The following MTHFS variants were observed in gnomAD, a reference collection of about 807,000 sequenced individuals.
The protein encoded by MTHFS is 5-formyltetrahydrofolate cyclo-ligase.
Under a neutral mutation model 12.7 loss-of-function variants are expected in MTHFS, and 7 were observed. The observed-to-expected ratio is 0.55, with a 90% CI of 0.31 to 1.03. MTHFS has a LOEUF of 1.03. Among genes scored for constraint, MTHFS ranks in the 50% least tolerant of loss-of-function variants. The probability of loss-of-function intolerance (pLI) is 0.05; values close to 1 mark genes in which losing one functional copy is unlikely to be tolerated. For missense variants in MTHFS, 252 were observed against 258.1 expected, an observed-to-expected ratio of 0.98 and a Z score of 0.16; for synonymous variants, 100 against 97.1, an observed-to-expected ratio of 1.03 and a Z score of -0.18.
chr15:79,844,846 G>A lies in MTHFS; in HGVS notation c.*364C>T, dbSNP rs1350083562. 7.6e-6 allele frequency: 2 copies of A among 262,160 alleles called. No homozygotes were observed. Among genetic ancestry groups the A allele is most frequent in the South Asian group, 4.5e-5 (1 of 22,060 alleles). 16.2% of individuals were successfully genotyped at this position (262,160 alleles called of 1,614,324 possible). On this transcript the variant is annotated 3_prime_UTR_variant, in exon 3 of 3. Coordinates refer to ENST00000258874, the MANE Select transcript of MTHFS (RefSeq NM_006441.4). ...CAGGACAGACCAGGTCATGAAAGGC[G>A]TAATGAAATACAGTGCCCACTCCCG...
At chr15:79,878,342 G>A (rs879272398) in intron 2 of MTHFS, among the ~76,000 whole-genome samples, 6 of 151,646 alleles carry the variant, frequency 4.0e-5, no homozygotes, top group Admixed American at 1.3e-4. Context: ...AGCACTTGAC[G>A]CTTATACACA....
At chr15:79,897,141 G>A, upstream of MTHFS, 1 of 634,336 alleles carries the variant, frequency 1.6e-6, no homozygotes, top group Non-Finnish European at 2.4e-6. Context: ...ACGCGGGCCC[G>A]CGGCGCGCCG....
intron 2 of MTHFS, among the ~76,000 whole-genome samples, chr15:79,852,516 A>G (rs1435161632): frequency 6.6e-6 from 1 of 152,190 alleles, no homozygotes; most frequent in Non-Finnish European, 1.5e-5. Flanking sequence ...AATGGTCACA[A>G]CCTATTTTGG....
At chr15:79,864,310 TGAG>T (rs1333447520) in intron 2 of MTHFS, among the ~76,000 whole-genome samples, 1 of 151,942 alleles carries the variant, frequency 6.6e-6, no homozygotes, top group Non-Finnish European at 1.5e-5. Context: ...TCTGGGAGGC[TGAG>T]GTGGGCGAAA....
At chr15:79,872,977 T>C (rs769479366) in intron 2 of MTHFS, among the ~76,000 whole-genome samples, 1 of 152,204 alleles carries the variant, frequency 6.6e-6, no homozygotes, top group African/African-American at 2.4e-5. Context: ...CCAGCCTAGC[T>C]GACCATTAGG....
At chr15:79,870,434 G>T (rs945298720) in intron 2 of MTHFS, among the ~76,000 whole-genome samples, 3 of 151,988 alleles carry the variant, frequency 2.0e-5, no homozygotes, top group African/African-American at 7.3e-5. Context: ...GCCAAATCCT[G>T]GGCTAGAATT....
intron 2 of MTHFS, among the ~76,000 whole-genome samples, chr15:79,865,996 T>G (rs972224519): frequency 7.2e-5 from 11 of 151,914 alleles, no homozygotes; most frequent in African/African-American, 2.7e-4. Context: ...CTAAACCTCT[T>G]TAAGGTGAGG....
At chr15:79,891,643 T>C (rs2141379128) in intron 1 of MTHFS, among the ~76,000 whole-genome samples, 1 of 152,290 alleles carries the variant, frequency 6.6e-6, no homozygotes, top group Admixed American at 6.5e-5. Context: ...ATTATCTGAT[T>C]AACAAGAGTT....
At chr15:79,890,564 C>T (rs180781997) in intron 1 of MTHFS, among the ~76,000 whole-genome samples, 8 of 152,162 alleles carry the variant, frequency 5.3e-5, no homozygotes, top group African/African-American at 1.7e-4. Context: ...CTGTTCCTCC[C>T]TATTCTCCAA....
intron 1 of MTHFS, 24 bp downstream of exon 1, chr15:79,896,848 C>T (rs1220018038): frequency 1.3e-6 from 2 of 1,540,188 alleles, no homozygotes; most frequent in South Asian, 2.4e-5. Flanking sequence ...TCCGCCGCGG[C>T]TTCCGCTACG....
chr15:79,891,638 C>T (rs1031256544), intron 1 of MTHFS, among the ~76,000 whole-genome samples: 1 of 152,074 alleles, frequency 6.6e-6, no homozygotes, highest in African/African-American at 2.4e-5. Flanking sequence ...TTTTTATTAT[C>T]TGATTAACAA....
intron 2 of MTHFS, among the ~76,000 whole-genome samples, chr15:79,850,278 T>C (rs1190936529): frequency 6.6e-6 from 1 of 152,238 alleles, no homozygotes; most frequent in African/African-American, 2.4e-5. Flanking sequence ...TTTTACAATC[T>C]TACCTTAGAA....
chr15:79,865,831 T>C (rs2034000430), intron 2 of MTHFS, among the ~76,000 whole-genome samples: 1 of 152,158 alleles, frequency 6.6e-6, no homozygotes, highest in Non-Finnish European at 1.5e-5. Context: ...CCTACAATAA[T>C]CGCTTATTCC....
intron 1 of MTHFS, among the ~76,000 whole-genome samples, chr15:79,895,973 CAAAAAT>C (rs1333248011): frequency 6.6e-6 from 1 of 152,146 alleles, no homozygotes; most frequent in Non-Finnish European, 1.5e-5. Flanking sequence ...TGGTGTCTAA[CAAAAAT>C]GAGTCCCCAA....
At chr15:79,851,187 A>G (rs1470178745) in intron 2 of MTHFS, among the ~76,000 whole-genome samples, 1 of 152,068 alleles carries the variant, frequency 6.6e-6, no homozygotes, top group Non-Finnish European at 1.5e-5. Flanking sequence ...TAATATCACA[A>G]ATCTTAAACT....
chr15:79,885,178 A>G (rs1272550778), intron 2 of MTHFS, among the ~76,000 whole-genome samples: 3 of 152,222 alleles, frequency 2.0e-5, no homozygotes, highest in African/African-American at 7.2e-5. Flanking sequence ...AGTACTGATC[A>G]TGAACAACCT....
chr15:79,859,064 G>A (rs1464386819), intron 2 of MTHFS, among the ~76,000 whole-genome samples: 4 of 152,274 alleles, frequency 2.6e-5, no homozygotes, highest in Non-Finnish European at 5.9e-5. Context: ...ATTTACAAAG[G>A]AACACAGCAA....
chr15:79,894,272 T>C (rs1400504625), intron 1 of MTHFS, among the ~76,000 whole-genome samples: 1 of 152,032 alleles, frequency 6.6e-6, no homozygotes, highest in African/African-American at 2.4e-5. Flanking sequence ...TCCCAGCTAC[T>C]TGGGAGGCTG....
In MTHFS at chr15:79,889,091, AC is replaced by A; in HGVS notation, c.379+1del. 5 of 1,613,970 alleles carry A rather than the reference AC, an allele frequency of 3.1e-6. No individual in the cohort carries two copies. Among genetic ancestry groups the A allele is most frequent in the Non-Finnish European group, 4.2e-6 (5 of 1,179,954 alleles). ...ACAACATCCTAACACCATAATACTC[AC>A]CTGTGGACAAGGCCTCCTCCCGAAC... On this transcript the variant is annotated splice_donor_variant, in intron 2 of 2. Coordinates refer to ENST00000258874, the MANE Select transcript of MTHFS (RefSeq NM_006441.4). LOFTEE classifies it high-confidence loss of function.
Sources: allele counts gnomAD v4.1 joint callset (sites outside exome capture counted in the v4.1 genomes callset), GRCh38; gene constraint gnomAD v4.1.1; transcripts MANE v1.5; gene names NCBI Gene and HGNC (gene_info 2026-07-23, HGNC 2026-07-21).